The following CSMD2 variants were observed in gnomAD, a reference collection of about 807,000 sequenced individuals.
The protein encoded by CSMD2 is CUB and sushi domain-containing protein 2.
A neutral mutation model predicts 398.5 loss-of-function variants in CSMD2; 130 were observed. The observed-to-expected ratio is 0.33, with a 90% CI of 0.28 to 0.38. CSMD2 has a LOEUF of 0.38. Among genes scored for constraint, CSMD2 ranks in the 10% least tolerant of loss-of-function variants. CSMD2 has a pLI of 1.00. For missense variants in CSMD2, 3,829 were observed against 4,764.9 expected (o/e 0.80, Z 5.78); for synonymous variants, 1,828 against 1,908.5 (o/e 0.96, Z 1.10).
At chr1:33,674,940 C>T (rs1644649169) in intron 25 of CSMD2, among the ~76,000 whole-genome samples, 1 of 152,194 alleles carries the variant, frequency 6.6e-6, no homozygotes, top group South Asian at 2.1e-4. Context: ...ACCAGAATCT[C>T]TGGGACACAT....
At chr1:33,921,619 G>A (rs1356307222) in intron 4 of CSMD2, among the ~76,000 whole-genome samples, 2 of 152,180 alleles carry the variant, frequency 1.3e-5, no homozygotes, top group African/African-American at 4.8e-5. Context: ...GGAGTGTGCT[G>A]GAAGGGGAAG....
chr1:33,847,243 C>T (rs961402653), intron 5 of CSMD2, among the ~76,000 whole-genome samples: 3 of 152,054 alleles, frequency 2.0e-5, no homozygotes, highest in Admixed American at 6.5e-5. Context: ...ACTGATCCTT[C>T]AGACCACAGC....
At chr1:33,985,303 A>G (rs1326419354) in intron 3 of CSMD2, among the ~76,000 whole-genome samples, 2 of 152,158 alleles carry the variant, frequency 1.3e-5, no homozygotes, top group Admixed American at 6.5e-5. Flanking sequence ...TAGGCTTTCT[A>G]GGGGAGGCGA....
chr1:33,547,451 G>A (rs949244748), intron 56 of CSMD2, among the ~76,000 whole-genome samples: 6 of 152,210 alleles, frequency 3.9e-5, no homozygotes, highest in Non-Finnish European at 7.3e-5. Context: ...AACCATGTGT[G>A]GGCATCAAAT....
chr1:34,142,730 T>C lies in CSMD2; in HGVS notation c.187+22181A>G, dbSNP rs545527021. On this transcript the variant is annotated intron_variant, in intron 1 of 70. Coordinates refer to ENST00000373381, the MANE Select transcript of CSMD2 (RefSeq NM_001281956.2). ...CTTTTTGTGACATTACTTAACATGA[T>C]TGAACCTCGATCTGCCCCTCTGCAA... 2.6e-5 allele frequency among the ~76,000 whole-genome samples: 4 copies of C among 152,328 alleles called. No individual in the cohort carries two copies. The South Asian group carries it at 6.2e-4, about 24-fold the overall frequency.
intron 3 of CSMD2, among the ~76,000 whole-genome samples, chr1:33,992,716 T>A (rs1271713742): frequency 6.3e-5 from 9 of 143,054 alleles, no homozygotes; most frequent in Non-Finnish European, 1.1e-4. Context: ...AAAATAAAAA[T>A]AAAAAAAAAA....
chr1:34,057,906 AAG>A, intron 2 of CSMD2, among the ~76,000 whole-genome samples: 1 of 152,140 alleles, frequency 6.6e-6, no homozygotes, highest in South Asian at 2.1e-4. Context: ...ACTGGCAGGC[AAG>A]CTGGGGGTTG....
At chr1:33,732,433 C>T (rs982690932) in intron 15 of CSMD2, among the ~76,000 whole-genome samples, 32 of 152,172 alleles carry the variant, frequency 2.1e-4, no homozygotes, top group African/African-American at 7.2e-4. Context: ...AGGATAGAGC[C>T]CTAGTCCAGT....
chr1:33,825,386 G>C (rs959561198), intron 7 of CSMD2, among the ~76,000 whole-genome samples: 2 of 152,224 alleles, frequency 1.3e-5, no homozygotes, highest in Non-Finnish European at 2.9e-5. Flanking sequence ...TTAGCAGGTG[G>C]AAGTGATTCA....
At chr1:33,867,756 T>C (rs1640144871) in intron 5 of CSMD2, among the ~76,000 whole-genome samples, 1 of 152,168 alleles carries the variant, frequency 6.6e-6, no homozygotes, top group African/African-American at 2.4e-5. Context: ...TGATTTGTAT[T>C]ACCCAGTAGT....
At chr1:33,810,422 A>C (rs538611215) in intron 10 of CSMD2, among the ~76,000 whole-genome samples, 1 of 152,292 alleles carries the variant, frequency 6.6e-6, no homozygotes, top group East Asian at 1.9e-4. Flanking sequence ...ATAAACACAC[A>C]ATTGAGGTAA....
In CSMD2 at chr1:33,523,366, C is replaced by T. The variant is rs1468999892; in HGVS notation, c.10450G>A (p.Gly3484Arg). 3 of 1,601,646 alleles carry T rather than the reference C, an allele frequency of 1.9e-6. No homozygotes were observed. Among genetic ancestry groups the T allele is most frequent in the Non-Finnish European group, 2.6e-6 (3 of 1,169,376 alleles). Residue 3484 changes from glycine to arginine, a missense_variant, in exon 67 of 71, where the codon GGG becomes AGG. Physicochemically the swap from Gly to Arg is moderately radical, Grantham distance 125 (BLOSUM62 -2). Coordinates refer to ENST00000373381, the MANE Select transcript of CSMD2 (RefSeq NM_001281956.2). Reference protein sequence around the residue: ...HLLLQVYQITGPVEIFMNKFK... With the variant: ...HLLLQVYQITRPVEIFMNKFK... ...TTATTCATAAAGATCTCCACAGGCC[C>T]TGTAATCTGGTACACCTGGAGTAGG...
chr1:33,612,682 GT>G (rs36051513), intron 40 of CSMD2, among the ~76,000 whole-genome samples: 73,702 of 131,864 alleles, frequency 0.56, 19,226 homozygotes, highest in African/African-American at 0.58. Flanking sequence ...TTTTGTGATG[GT>G]TTTTTTTTTT....
chr1:33,584,407 C>T (rs544767005), intron 46 of CSMD2, among the ~76,000 whole-genome samples: 2 of 152,146 alleles, frequency 1.3e-5, no homozygotes, highest in African/African-American at 2.4e-5. Context: ...TGCGGAGGCT[C>T]ATGCCTGTAA....
At position 33,714,654 on chromosome 1, in the gene CSMD2, G is replaced by A. The variant is rs764008011; in HGVS notation, c.3339C>T (p.Gly1113=). 9 of 1,613,954 alleles carry A rather than the reference G, an allele frequency of 5.6e-6. No individual in the cohort carries two copies. The highest frequency in any genetic ancestry group is 7.6e-6 in the Non-Finnish European group (9 of 1,180,040). Residue 1113 remains glycine, a synonymous_variant, in exon 21 of 71, where the codon GGC becomes GGT. Transcript: ENST00000373381. Reference sequence around the variant, plus strand: ...CCCCCAGGCACGTGATGCGGGCGGTGCCCTCCAGACGGTACCCGGGGAAGC... The same window carrying A: ...CCCCCAGGCACGTGATGCGGGCGGTACCCTCCAGACGGTACCCGGGGAAGC... ...FSCFPGYRLE[G]TARITCLGGR...
At chr1:33,936,334 C>T (rs1029502067) in intron 3 of CSMD2, among the ~76,000 whole-genome samples, 3 of 152,226 alleles carry the variant, frequency 2.0e-5, no homozygotes, top group Non-Finnish European at 4.4e-5. Context: ...ACACTCCTCA[C>T]TAAATACCAT....
intron 3 of CSMD2, among the ~76,000 whole-genome samples, chr1:34,016,271 C>T (rs1265592631): frequency 6.6e-6 from 1 of 152,070 alleles, no homozygotes; most frequent in Admixed American, 6.6e-5. Context: ...GCCCCTCATG[C>T]ATTAGGTATT....
At chr1:34,022,517 G>C (rs1271627970) in intron 3 of CSMD2, among the ~76,000 whole-genome samples, 1 of 152,172 alleles carries the variant, frequency 6.6e-6, no homozygotes, top group African/African-American at 2.4e-5. Context: ...GAAAATACAC[G>C]AGTGATGCAC....
intron 2 of CSMD2, among the ~76,000 whole-genome samples, chr1:34,057,398 C>G (rs1653957078): frequency 6.6e-6 from 1 of 152,200 alleles, no homozygotes; most frequent in Non-Finnish European, 1.5e-5. Flanking sequence ...GAGCCTCTCG[C>G]TGTTTCTATG....
Sources: allele counts gnomAD v4.1 joint callset (sites outside exome capture counted in the v4.1 genomes callset), GRCh38; gene constraint gnomAD v4.1.1; transcripts MANE v1.5; gene names NCBI Gene and HGNC (gene_info 2026-07-23, HGNC 2026-07-21).